The following SLCO6A1 variants were observed in gnomAD, a reference collection of about 807,000 sequenced individuals.
The protein encoded by SLCO6A1 is cancer/testis antigen 48.
SLCO6A1 carries 65 observed loss-of-function variants against 72.7 expected under a neutral mutation model. The observed-to-expected ratio is 0.89, with a 90% CI of 0.73 to 1.10. The LOEUF is 1.10. SLCO6A1 is among the 50% of genes least tolerant of loss of function. The pLI is 0.00. For missense variants in SLCO6A1, 874 were observed against 872.6 expected (o/e 1.00, Z -0.02); for synonymous variants, 314 against 298.2 (o/e 1.05, Z -0.55).
At chr5:102,420,762 C>CAA (rs1272984723) in intron 7 of SLCO6A1, among the ~76,000 whole-genome samples, 1 of 152,052 alleles carries the variant, frequency 6.6e-6, no homozygotes, top group Non-Finnish European at 1.5e-5. Context: ...ATCCCATTAA[C>CAA]ACTAGATTAA....
At chr5:102,408,555 A>C (rs1189481665) in intron 9 of SLCO6A1, among the ~76,000 whole-genome samples, 3 of 152,154 alleles carry the variant, frequency 2.0e-5, no homozygotes, top group African/African-American at 7.2e-5. Context: ...CAGAAACAGA[A>C]GGCAACATAT....
intron 1 of SLCO6A1, among the ~76,000 whole-genome samples, chr5:102,497,555 A>AC (rs964668439): frequency 6.6e-6 from 1 of 152,156 alleles, no homozygotes; most frequent in African/African-American, 2.4e-5. Flanking sequence ...GAGGTGAGGC[A>AC]CCCAAGTTCG....
At chr5:102,414,543 G>A (rs114350222) in intron 8 of SLCO6A1, among the ~76,000 whole-genome samples, 298 of 152,248 alleles carry the variant, frequency 2.0e-3, no homozygotes, top group African/African-American at 6.9e-3. Context: ...AAGTTTCAGT[G>A]TAGAAAATTA....
chr5:102,489,263 C>T (rs1211581889), intron 1 of SLCO6A1, among the ~76,000 whole-genome samples: 4 of 152,150 alleles, frequency 2.6e-5, no homozygotes, highest in Non-Finnish European at 5.9e-5. Flanking sequence ...GATGACTCTC[C>T]TCTCCTTCTC....
chr5:102,407,388 C>T (rs1158352845), intron 9 of SLCO6A1, among the ~76,000 whole-genome samples: 1 of 152,146 alleles, frequency 6.6e-6, no homozygotes, highest in Non-Finnish European at 1.5e-5. Flanking sequence ...GCACAAGGAG[C>T]AATACCTCTC....
intron 10 of SLCO6A1, among the ~76,000 whole-genome samples, chr5:102,396,898 T>C (rs1747114725): frequency 6.6e-6 from 1 of 152,168 alleles, no homozygotes; most frequent in Non-Finnish European, 1.5e-5. Context: ...CAGGTCTCTC[T>C]TTCTCCTCTT....
chr5:102,493,997 A>C (rs1302930332), intron 1 of SLCO6A1, among the ~76,000 whole-genome samples: 3 of 152,198 alleles, frequency 2.0e-5, no homozygotes, highest in Non-Finnish European at 4.4e-5. Context: ...CAACTTTTAA[A>C]AGGAACGAAG....
intron 9 of SLCO6A1, among the ~76,000 whole-genome samples, chr5:102,410,273 G>T (rs13358778): frequency 0.2 from 30,910 of 151,896 alleles, 3,825 homozygotes; most frequent in South Asian, 0.29. Flanking sequence ...CATGTCTGCA[G>T]CTCTAAGCAG....
chr5:102,458,081 T>C (rs1345895410), intron 6 of SLCO6A1, among the ~76,000 whole-genome samples: 1 of 151,426 alleles, frequency 6.6e-6, no homozygotes, highest in African/African-American at 2.4e-5. Context: ...AAGGGGAACA[T>C]CACACACAGG....
chr5:102,466,154 C>CT (rs1359382255), intron 4 of SLCO6A1, among the ~76,000 whole-genome samples: 2 of 151,928 alleles, frequency 1.3e-5, no homozygotes, highest in Non-Finnish European at 2.9e-5. Flanking sequence ...TAATTAGATG[C>CT]TTTTTCTGAT....
At chr5:102,484,322 T>C (rs1317226014) in intron 1 of SLCO6A1, among the ~76,000 whole-genome samples, 2 of 152,120 alleles carry the variant, frequency 1.3e-5, no homozygotes, top group African/African-American at 4.8e-5. Context: ...TTGTTTCTCC[T>C]GGTTCAATGA....
intron 4 of SLCO6A1, among the ~76,000 whole-genome samples, chr5:102,469,752 T>C (rs1211885849): frequency 2.6e-5 from 4 of 152,196 alleles, no homozygotes; most frequent in Non-Finnish European, 5.9e-5. Flanking sequence ...TCAAAGGGAA[T>C]GCTTCCAGTT....
chr5:102,422,105 AC>A (rs1457845662), intron 7 of SLCO6A1, among the ~76,000 whole-genome samples: 2 of 152,146 alleles, frequency 1.3e-5, no homozygotes, highest in African/African-American at 4.8e-5. Flanking sequence ...CCATGCAAAA[AC>A]CCCATCCAAA....
chr5:102,404,846 A>G (rs921392528), intron 9 of SLCO6A1, among the ~76,000 whole-genome samples: 1 of 152,186 alleles, frequency 6.6e-6, no homozygotes, highest in African/African-American at 2.4e-5. Context: ...CATCGCAGAA[A>G]TTAAACCAAA....
intron 1 of SLCO6A1, among the ~76,000 whole-genome samples, chr5:102,484,321 C>T (rs1037969059): frequency 1.3e-5 from 2 of 152,012 alleles, no homozygotes; most frequent in African/African-American, 4.8e-5. Context: ...TTTGTTTCTC[C>T]TGGTTCAATG....
chr5:102,376,259 T>C (rs1745787396), intron 12 of SLCO6A1, among the ~76,000 whole-genome samples: 2 of 152,068 alleles, frequency 1.3e-5, no homozygotes, highest in Non-Finnish European at 2.9e-5. Flanking sequence ...TCATCTCCTG[T>C]ATAAAAGAAA....
chr5:102,374,011 TTC>T (rs572110747), intron 12 of SLCO6A1, among the ~76,000 whole-genome samples: 29 of 144,970 alleles, frequency 2.0e-4, no homozygotes, highest in African/African-American at 7.8e-4. Flanking sequence ...ATTTAATTAA[TTC>T]TTTTTCAATT....
Position 102,463,152 on chromosome 5 carries a change from T to C in SLCO6A1, c.900-3375A>G, listed in dbSNP as rs540666852. Reference sequence around the variant, plus strand: ...TCAAAAGAAGATATACAATGCCCAATAAACATATGAAAAAATGCTCAATAT... The same window carrying C: ...TCAAAAGAAGATATACAATGCCCAACAAACATATGAAAAAATGCTCAATAT... On this transcript the variant is annotated intron_variant, in intron 4 of 13. Transcript: ENST00000506729. Among the ~76,000 whole-genome samples, 320 of 151,816 alleles carry C rather than the reference T, an allele frequency of 2.1e-3. 3 individuals carry two copies. Among genetic ancestry groups the C allele is most frequent in the African/African-American group, 7.3e-3 (301 of 41,404 alleles).
chr5:102,436,527 G>T (rs1415846093), intron 7 of SLCO6A1, among the ~76,000 whole-genome samples: 2 of 152,102 alleles, frequency 1.3e-5, no homozygotes, highest in African/African-American at 4.8e-5. Flanking sequence ...TCTGTCTTGG[G>T]CATTCTTTTA....
Sources: allele counts gnomAD v4.1 joint callset (sites outside exome capture counted in the v4.1 genomes callset), GRCh38; gene constraint gnomAD v4.1.1; transcripts MANE v1.5; gene names NCBI Gene and HGNC (gene_info 2026-07-23, HGNC 2026-07-21).